MAGI3: variants seen among roughly 807,000 people sequenced by gnomAD.
MAGI3 encodes membrane-associated guanylate kinase, WW and PDZ domain-containing protein 3.
Under a neutral mutation model 121.8 loss-of-function variants are expected in MAGI3, and 43 were observed. That is an observed-to-expected ratio of 0.35 (90% CI 0.28 to 0.46). The LOEUF (loss-of-function observed/expected upper bound fraction) is 0.46. Ranked by LOEUF, MAGI3 falls within the 20% of genes least tolerant of loss-of-function variation. The pLI is 1.00. For missense variants in MAGI3, 1,547 were observed against 1,797.3 expected, an observed-to-expected ratio of 0.86 and a Z score of 2.52; for synonymous variants, 553 against 639.3, an observed-to-expected ratio of 0.86 and a Z score of 2.04.
At chr1:113,668,815 C>A (rs1647345103) in intron 16 of MAGI3, among the ~76,000 whole-genome samples, 1 of 151,696 alleles carries the variant, frequency 6.6e-6, no homozygotes, top group African/African-American at 2.4e-5. Flanking sequence ...ATCTCCTGAC[C>A]TCATGATCCA....
At chr1:113,489,449 G>A (rs1303123476) in intron 1 of MAGI3, among the ~76,000 whole-genome samples, 1 of 152,108 alleles carries the variant, frequency 6.6e-6, no homozygotes, top group East Asian at 1.9e-4. Flanking sequence ...GAAAGAATCA[G>A]CACAAGAACC....
chr1:113,434,621 A>G (rs1019832295), intron 1 of MAGI3, among the ~76,000 whole-genome samples: 2 of 152,234 alleles, frequency 1.3e-5, no homozygotes, highest in South Asian at 2.1e-4. Context: ...GTGCCTCTCT[A>G]TGTTTTATAA....
chr1:113,585,422 C>T lies in MAGI3; in HGVS notation c.589C>T (p.Pro197Ser), dbSNP rs780289522. ...TGGAACTCCCAAGCCTCCAGCAGAA[C>T]CCAGCCCTTTTCAGCCAGATCCAGT... Reference protein sequence around the residue: ...FYGTPKPPAEPSPFQPDPVDQ... With the variant: ...FYGTPKPPAESSPFQPDPVDQ... Residue 197 changes from proline to serine, a missense_variant, in exon 4 of 21, where the codon CCC becomes TCC. Transcript: ENST00000307546. 1 of 1,613,966 alleles carries T rather than the reference C, an allele frequency of 6.2e-7. No individual in the cohort carries two copies. The highest frequency in any genetic ancestry group is 1.3e-5 in the African/African-American group (1 of 74,930).
chr1:113,398,128 AT>A (rs1463845357), intron 1 of MAGI3, among the ~76,000 whole-genome samples: 1 of 152,106 alleles, frequency 6.6e-6, no homozygotes, highest in Non-Finnish European at 1.5e-5. Flanking sequence ...CATTTCAGTC[AT>A]CCCAACATGG....
chr1:113,682,734 C>A (rs1259082807), intron 20 of MAGI3, 163 bp from the exon 21 acceptor site: 2 of 982,970 alleles, frequency 2.0e-6, no homozygotes, highest in African/African-American at 3.5e-5. Context: ...CTGTACACAT[C>A]CGCCTTTATA....
chr1:113,639,366 G>A (rs1052231626), intron 9 of MAGI3, among the ~76,000 whole-genome samples: 12 of 152,114 alleles, frequency 7.9e-5, no homozygotes, highest in African/African-American at 1.2e-4. Context: ...GTTCCTATTC[G>A]GCCATCTCGG....
intron 8 of MAGI3, among the ~76,000 whole-genome samples, chr1:113,621,800 A>G (rs899893520): frequency 4.6e-5 from 7 of 151,680 alleles, no homozygotes; most frequent in African/African-American, 1.7e-4. Flanking sequence ...GACATATGCT[A>G]CAATACAGAT....
At position 113,407,743 on chromosome 1, in the gene MAGI3, C is replaced by CATT. The variant is rs535814144; in HGVS notation, c.316+16396_316+16398dup. Among the ~76,000 whole-genome samples, 319 of 152,108 alleles carry CATT rather than the reference C, an allele frequency of 2.1e-3. 2 individuals are homozygous for CATT. Among genetic ancestry groups the CATT allele is most frequent in the African/African-American group, 7.1e-3 (296 of 41,534 alleles). The stretch of plus-strand genomic sequence containing the variant: ...AATCTAGGATCAGCATGCAGGTTAC[C>CATT]ATTAGTTCAGGACTCTAATTTGATT... On this transcript the variant is annotated intron_variant, in intron 1 of 20. Transcript: ENST00000307546.
chr1:113,546,308 T>TG (rs1376934413), intron 1 of MAGI3, among the ~76,000 whole-genome samples: 2 of 152,202 alleles, frequency 1.3e-5, no homozygotes, highest in Non-Finnish European at 1.5e-5. Flanking sequence ...TTTGAATACT[T>TG]GCAGATGTTT....
intron 9 of MAGI3, among the ~76,000 whole-genome samples, chr1:113,627,625 G>T (rs1414718831): frequency 6.7e-6 from 1 of 148,322 alleles, no homozygotes; most frequent in Non-Finnish European, 1.5e-5. Flanking sequence ...ATATATAATT[G>T]TAATATATGA....
intron 2 of MAGI3, among the ~76,000 whole-genome samples, chr1:113,556,311 A>G (rs1333819892): frequency 6.6e-6 from 1 of 152,152 alleles, no homozygotes; most frequent in East Asian, 1.9e-4. Flanking sequence ...CTCTAGCTAG[A>G]CTGCTTAGGA....
At chr1:113,682,218 C>G (rs1363171062) in intron 20 of MAGI3, 1 of 1,603,314 alleles carries the variant, frequency 6.2e-7, no homozygotes, top group East Asian at 2.2e-5. Flanking sequence ...TCAGGTTTGG[C>G]TCCTTCCGGT....
chr1:113,529,250 G>A (rs758589677), intron 1 of MAGI3, among the ~76,000 whole-genome samples: 6 of 152,048 alleles, frequency 3.9e-5, no homozygotes, highest in African/African-American at 7.2e-5. Context: ...GTTAATTAGC[G>A]TTGCTATAAT....
chr1:113,632,679 A>T lies in MAGI3; in HGVS notation c.1361-9232A>T, dbSNP rs371393785. The stretch of plus-strand genomic sequence containing the variant: ...TTAAGCTGCCTTGTCAGTGTCTTCA[A>T]TAATGCATTGTTTGCTTCTGTTGAA... On this transcript the variant is annotated intron_variant, in intron 9 of 20. Coordinates refer to ENST00000307546, the MANE Select transcript of MAGI3 (RefSeq NM_001142782.2). Among the ~76,000 whole-genome samples, 11 of 152,328 alleles carry T rather than the reference A, an allele frequency of 7.2e-5. No homozygotes were observed. The East Asian group carries it at 1.4e-3, about 19-fold the overall frequency.
chr1:113,586,257 T>C (rs1319320892), intron 4 of MAGI3, among the ~76,000 whole-genome samples: 2 of 152,204 alleles, frequency 1.3e-5, no homozygotes, highest in Non-Finnish European at 2.9e-5. Context: ...AAAAATTCCA[T>C]TCAGAACACT....
intron 1 of MAGI3, among the ~76,000 whole-genome samples, chr1:113,475,595 G>T (rs1192340976): frequency 6.6e-6 from 1 of 152,134 alleles, no homozygotes; most frequent in Non-Finnish European, 1.5e-5. Flanking sequence ...CTTGATCGTT[G>T]TGGATAAGCT....
chr1:113,635,048 G>T (rs1651915023), intron 9 of MAGI3, among the ~76,000 whole-genome samples: 2 of 152,116 alleles, frequency 1.3e-5, no homozygotes, highest in African/African-American at 4.8e-5. Context: ...TGTTATTGGT[G>T]TATAAGAATG....
chr1:113,480,034 T>C (rs531415411), intron 1 of MAGI3, among the ~76,000 whole-genome samples: 33 of 152,366 alleles, frequency 2.2e-4, no homozygotes, highest in African/African-American at 7.5e-4. Flanking sequence ...TGGATTCTCT[T>C]GTAGCTCACT....
At chr1:113,506,754 G>A (rs113806550) in intron 1 of MAGI3, among the ~76,000 whole-genome samples, 23 of 152,200 alleles carry the variant, frequency 1.5e-4, no homozygotes, top group African/African-American at 4.8e-4. Context: ...TGCCTTAAGG[G>A]TACCACTTCC....
Sources: allele counts gnomAD v4.1 joint callset (sites outside exome capture counted in the v4.1 genomes callset), GRCh38; gene constraint gnomAD v4.1.1; transcripts MANE v1.5; gene names NCBI Gene and HGNC (gene_info 2026-07-23, HGNC 2026-07-21).